The following EFCAB7 variants were observed in gnomAD, a reference collection of about 807,000 sequenced individuals.
The protein encoded by EFCAB7 is EF-hand calcium binding domain 7.
Under a neutral mutation model 77.1 loss-of-function variants are expected in EFCAB7, and 66 were observed. That is an observed-to-expected ratio of 0.86 (90% CI 0.70 to 1.05). The LOEUF (loss-of-function observed/expected upper bound fraction) is 1.05, where lower values mean the gene tolerates loss of function less well. Ranked by LOEUF, EFCAB7 falls within the 50% of genes least tolerant of loss-of-function variation. The pLI, the probability that EFCAB7 is intolerant of heterozygous loss-of-function variation, is 0.00. For missense variants in EFCAB7, 638 were observed against 730.5 expected (o/e 0.87, Z 1.46); for synonymous variants, 225 against 243.3 (o/e 0.92, Z 0.70).
At chr1:63,526,923 C>G (rs924307043) in intron 2 of EFCAB7, among the ~76,000 whole-genome samples, 2 of 152,178 alleles carry the variant, frequency 1.3e-5, no homozygotes, top group Non-Finnish European at 2.9e-5. Context: ...CGCCACCATG[C>G]CTGGCTAATT....
At position 63,551,720 on chromosome 1, in the gene EFCAB7, T is replaced by G. The variant is rs200521206; in HGVS notation, c.947-5T>G. 33 of 1,486,414 alleles carry G rather than the reference T, an allele frequency of 2.2e-5. No homozygotes were observed. In the Admixed American group the frequency reaches 3.6e-4, roughly 16 times the overall value. The allele number at this position is 1,486,414 out of a possible 1,614,324, so 92.1% of individuals were successfully genotyped here. A position where few individuals can be genotyped will look rare whatever the true frequency, so the allele number is the denominator to read the frequency against. The stretch of plus-strand genomic sequence containing the variant: ...AGGTGTTTGGGCTTTTTTTTTTGTT[T>G]GTAGGAAAACCATCCCCTTGGTTAT... On this transcript the variant is annotated splice_region_variant and splice_polypyrimidine_tract_variant and intron_variant, in intron 7 of 13. Coordinates refer to ENST00000371088, the MANE Select transcript of EFCAB7 (RefSeq NM_032437.4).
chr1:63,553,365 G>A (rs796882313), intron 8 of EFCAB7, among the ~76,000 whole-genome samples: 6 of 152,240 alleles, frequency 3.9e-5, no homozygotes, highest in Admixed American at 6.5e-5. Context: ...GTTTTGAGAC[G>A]GAGTCTTGCT....
In EFCAB7 at chr1:63,561,853, C is replaced by A; in HGVS notation, c.1493C>A (p.Thr498Lys). Residue 498 changes from threonine (T) to lysine (K), a missense_variant, in exon 11 of 14, where the codon ACA becomes AAA. Physicochemically the swap from Thr to Lys is moderately conservative, Grantham distance 78 (BLOSUM62 -1). Coordinates refer to ENST00000371088, the MANE Select transcript of EFCAB7 (RefSeq NM_032437.4). ...SMGYNKALEL[T>K]EACPFVIDIY... is the part of the protein sequence containing the mutation. Reference sequence around the variant, plus strand: ...GGCTACAATAAAGCTCTGGAGTTGACAGAGGTAAAGTATTCTTAAACTTTT... The same window carrying A: ...GGCTACAATAAAGCTCTGGAGTTGAAAGAGGTAAAGTATTCTTAAACTTTT... 1 of 1,567,204 alleles carries A rather than the reference C, an allele frequency of 6.4e-7. No individual in the cohort carries two copies. Among genetic ancestry groups the A allele is most frequent in the African/African-American group, 1.4e-5 (1 of 73,314 alleles).
At position 63,533,664 on chromosome 1, in the gene EFCAB7, C is replaced by T. The variant is rs759728467; in HGVS notation, c.682+15C>T. On this transcript the variant is annotated intron_variant, in intron 5 of 13. Transcript: ENST00000371088. ...CTTAAATAAAGGTATTTACTTTTAA[C>T]ACTAAGAATTTCTTGATCAGAAATG... The T allele has an allele frequency of 2.0e-6, 3 of 1,516,200 alleles. No individual in the cohort carries two copies. Among genetic ancestry groups the T allele is most frequent in the Admixed American group, 4.5e-5 (2 of 44,770 alleles). 93.9% of individuals were successfully genotyped at this position (1,516,200 alleles called of 1,614,324 possible).
chr1:63,558,700 T>A (rs1359548739), intron 10 of EFCAB7, among the ~76,000 whole-genome samples: 1 of 151,014 alleles, frequency 6.6e-6, no homozygotes, highest in Non-Finnish European at 1.5e-5. Flanking sequence ...TTTAATAAAC[T>A]TTTTTTACAC....
chr1:63,562,972 G>T (rs1647127154), intron 11 of EFCAB7, among the ~76,000 whole-genome samples: 1 of 152,000 alleles, frequency 6.6e-6, no homozygotes, highest in Admixed American at 6.6e-5. Flanking sequence ...TTGGTGAGAG[G>T]TTCTCTATTC....
At chr1:63,538,481 T>C (rs1425744692) in intron 6 of EFCAB7, among the ~76,000 whole-genome samples, 1 of 151,134 alleles carries the variant, frequency 6.6e-6, no homozygotes, top group Non-Finnish European at 1.5e-5. Context: ...TGAGATGGAG[T>C]CTCACTCTAT....
At chr1:63,578,445 C>T in the EFCAB7 span, among the ~76,000 whole-genome samples, 27 of 125,982 alleles carry the variant, frequency 2.1e-4, no homozygotes, top group Non-Finnish European at 4.0e-4. Context: ...CTCTAACATA[C>T]ATTTTTTTTT....
At chr1:63,544,355 A>G (rs1646869588) in intron 6 of EFCAB7, among the ~76,000 whole-genome samples, 1 of 152,186 alleles carries the variant, frequency 6.6e-6, no homozygotes, top group Non-Finnish European at 1.5e-5. Context: ...GGTAAAGCCA[A>G]TATAGAAAAG....
At chr1:63,539,367 AG>A (rs1646801559) in intron 6 of EFCAB7, among the ~76,000 whole-genome samples, 1 of 152,230 alleles carries the variant, frequency 6.6e-6, no homozygotes, top group South Asian at 2.1e-4. Context: ...ACATTTTTAA[AG>A]TAAGAAAACC....
intron 8 of EFCAB7, 128 bp from the exon 9 acceptor site, chr1:63,555,230 G>A: frequency 9.0e-7 from 1 of 1,108,154 alleles, no homozygotes; most frequent in Non-Finnish European, 1.3e-6. Flanking sequence ...GACTATAATA[G>A]AATTTGTAAA....
downstream of EFCAB7, among the ~76,000 whole-genome samples, chr1:63,575,172 A>G (rs1030841666): frequency 1.3e-5 from 2 of 152,152 alleles, no homozygotes; most frequent in African/African-American, 2.4e-5. Flanking sequence ...TTAAAGTTTT[A>G]TAGTTCTAAT....
intron 10 of EFCAB7, among the ~76,000 whole-genome samples, chr1:63,560,512 C>CTTTTTTT: frequency 1.3e-5 from 1 of 77,420 alleles, no homozygotes; most frequent in Non-Finnish European, 2.3e-5. Flanking sequence ...AAACTCTTAA[C>CTTTTTTT]TTTTTTTTTT....
chr1:63,576,040 C>A (rs1214953669), downstream of EFCAB7, among the ~76,000 whole-genome samples: 1 of 152,166 alleles, frequency 6.6e-6, no homozygotes, highest in Non-Finnish European at 1.5e-5. Context: ...CTTTGATGCT[C>A]AGCCTAGCTT....
intron 6 of EFCAB7, among the ~76,000 whole-genome samples, chr1:63,543,287 T>C (rs966618841): frequency 2.0e-5 from 3 of 152,238 alleles, no homozygotes; most frequent in East Asian, 3.8e-4. Context: ...CATTCTGTTC[T>C]ATTGTTCTGT....
downstream of EFCAB7, among the ~76,000 whole-genome samples, chr1:63,575,926 T>C (rs982005240): frequency 1.3e-5 from 2 of 152,136 alleles, no homozygotes; most frequent in Non-Finnish European, 2.9e-5. Context: ...TAATTTATAA[T>C]GGGGATACTA....
Position 63,531,982 on chromosome 1 carries a change from A to G in EFCAB7, c.350A>G (p.Asn117Ser). ...LLKSFKQLDVNDDGCILHTDL... is the reference protein window; with the variant it reads ...LLKSFKQLDVSDDGCILHTDL... ...AAATCATTTAAGCAATTAGATGTAA[A>G]TGATGATGGCTGTATTTTACACACT... The change falls in exon 3 of 14, where the codon AAT (asparagine) becomes AGT (serine). Residue 117 changes from asparagine to serine, a missense_variant. Asn to Ser is a conservative substitution (Grantham distance 46). Transcript: ENST00000371088. 1.9e-6 allele frequency: 3 copies of G among 1,612,514 alleles called. No homozygotes were observed. Among genetic ancestry groups the G allele is most frequent in the Non-Finnish European group, 2.5e-6 (3 of 1,178,922 alleles).
At chr1:63,548,342 T>A (rs1290905705) in intron 7 of EFCAB7, 1 of 152,170 alleles carries the variant, frequency 6.6e-6, no homozygotes, top group African/African-American at 2.4e-5. Context: ...GGTTTCCCCC[T>A]CGTTTTTTGT....
Position 63,546,070 on chromosome 1 carries a change from T to C in EFCAB7, c.946+13T>C, listed in dbSNP as rs763629670. The stretch of plus-strand genomic sequence containing the variant: ...AGTCAAGTTGAAGGCAAGTTTAAGT[T>C]TTTTGTATATTTTTAAAATGTCAAT... On this transcript the variant is annotated intron_variant, in intron 7 of 13. Coordinates refer to ENST00000371088, the MANE Select transcript of EFCAB7 (RefSeq NM_032437.4). 11 of 1,602,068 alleles carry C rather than the reference T, an allele frequency of 6.9e-6. No individual in the cohort carries two copies. The Admixed American group carries it at 9.0e-5, about 13-fold the overall frequency.
Sources: allele counts gnomAD v4.1 joint callset (sites outside exome capture counted in the v4.1 genomes callset), GRCh38; gene constraint gnomAD v4.1.1; transcripts MANE v1.5; gene names NCBI Gene and HGNC (gene_info 2026-07-23, HGNC 2026-07-21).